CTNNA3: variants seen among roughly 807,000 people sequenced by gnomAD.
CTNNA3 encodes catenin alpha-3.
A neutral mutation model predicts 95.7 loss-of-function variants in CTNNA3; 76 were observed. The ratio of observed to expected loss-of-function variants is 0.79; its 90% CI spans 0.66 to 0.96. The LOEUF (loss-of-function observed/expected upper bound fraction) is 0.96. Ranked by LOEUF, CTNNA3 falls within the 40% of genes least tolerant of loss-of-function variation. The pLI, the probability that CTNNA3 is intolerant of heterozygous loss-of-function variation, is 0.00. For synonymous variants in CTNNA3, 431 were observed against 374.4 expected, an observed-to-expected ratio of 1.15 and a Z score of -1.74; for missense variants, 1,191 against 1,089.8, an observed-to-expected ratio of 1.09 and a Z score of -1.31.
chr10:66,657,363 TC>T (rs1201669638), intron 9 of CTNNA3, among the ~76,000 whole-genome samples: 1 of 152,172 alleles, frequency 6.6e-6, no homozygotes, highest in East Asian at 1.9e-4. Context: ...TTGCTCCTGT[TC>T]TTCAATGTGG....
At chr10:67,170,559 C>T (rs1374588791) in intron 7 of CTNNA3, among the ~76,000 whole-genome samples, 1 of 152,088 alleles carries the variant, frequency 6.6e-6, no homozygotes, top group Non-Finnish European at 1.5e-5. Flanking sequence ...TAAGTGGGAG[C>T]TAAATGACAA....
At chr10:67,046,204 C>A (rs575255507) in intron 7 of CTNNA3, among the ~76,000 whole-genome samples, 34 of 152,252 alleles carry the variant, frequency 2.2e-4, no homozygotes, top group South Asian at 2.1e-3. Context: ...AATGGGGTTT[C>A]AATTTAAAGA....
chr10:66,448,184 C>T (rs2093437095), intron 11 of CTNNA3, among the ~76,000 whole-genome samples: 1 of 151,996 alleles, frequency 6.6e-6, no homozygotes, highest in Non-Finnish European at 1.5e-5. Flanking sequence ...ACAACAGGTG[C>T]TGGAGAGGAT....
chr10:66,427,897 T>C (rs990532543), intron 11 of CTNNA3, among the ~76,000 whole-genome samples: 8 of 151,996 alleles, frequency 5.3e-5, no homozygotes, highest in Admixed American at 1.3e-4. Flanking sequence ...AATTCACACA[T>C]AACAATATTA....
intron 7 of CTNNA3, among the ~76,000 whole-genome samples, chr10:67,151,482 A>T: frequency 6.6e-6 from 1 of 152,240 alleles, no homozygotes; most frequent in East Asian, 1.9e-4. Flanking sequence ...AAAATACAAG[A>T]CATCAAGTCA....
intron 5 of CTNNA3, among the ~76,000 whole-genome samples, chr10:67,495,042 A>G (rs1333398235): frequency 6.6e-6 from 1 of 152,220 alleles, no homozygotes; most frequent in African/African-American, 2.4e-5. Context: ...ATGAAATTCA[A>G]ATTTAACTGG....
intron 10 of CTNNA3, among the ~76,000 whole-genome samples, chr10:66,557,704 T>C (rs1842433788): frequency 6.6e-6 from 1 of 152,182 alleles, no homozygotes; most frequent in Non-Finnish European, 1.5e-5. Flanking sequence ...GGAGTTCCTA[T>C]ATTTATCTCC....
chr10:67,658,113 GATT>G (rs749533058), intron 1 of CTNNA3, among the ~76,000 whole-genome samples: 1 of 152,186 alleles, frequency 6.6e-6, no homozygotes, highest in Non-Finnish European at 1.5e-5. Context: ...GGGCCTCAGT[GATT>G]ATCAGCATCA....
chr10:66,409,435 A>G (rs1000173308), intron 11 of CTNNA3, among the ~76,000 whole-genome samples: 1 of 152,174 alleles, frequency 6.6e-6, no homozygotes, highest in Non-Finnish European at 1.5e-5. Flanking sequence ...AGAAGGATAG[A>G]GATGAACTTG....
chr10:66,231,109 G>T (rs1482172080), intron 13 of CTNNA3, among the ~76,000 whole-genome samples: 1 of 152,126 alleles, frequency 6.6e-6, no homozygotes, highest in African/African-American at 2.4e-5. Flanking sequence ...GCAGTTGCAT[G>T]GACTCCAGGC....
chr10:67,597,533 G>T (rs1911358), intron 3 of CTNNA3, among the ~76,000 whole-genome samples: 3 of 152,112 alleles, frequency 2.0e-5, no homozygotes, highest in Admixed American at 6.5e-5. Flanking sequence ...GAAGGTCAAG[G>T]CTCAGCTCAT....
chr10:67,278,519 TC>T (rs1839275461), intron 5 of CTNNA3, among the ~76,000 whole-genome samples: 1 of 152,202 alleles, frequency 6.6e-6, no homozygotes, highest in African/African-American at 2.4e-5. Context: ...AGACTGGGGA[TC>T]AGTGGAAGGG....
At chr10:67,333,892 T>C (rs978720782) in intron 5 of CTNNA3, among the ~76,000 whole-genome samples, 27 of 152,190 alleles carry the variant, frequency 1.8e-4, no homozygotes, top group African/African-American at 6.3e-4. Flanking sequence ...AGAAGGATTA[T>C]GAGGCTGATT....
chr10:66,617,370 A>G (rs559820243), intron 10 of CTNNA3, among the ~76,000 whole-genome samples: 45 of 152,176 alleles, frequency 3.0e-4, no homozygotes, highest in Non-Finnish European at 6.0e-4. Context: ...ACCATGATCA[A>G]GTGGGCTTCA....
chr10:66,579,194 T>C (rs1248112557), intron 10 of CTNNA3, among the ~76,000 whole-genome samples: 1 of 151,888 alleles, frequency 6.6e-6, no homozygotes, highest in African/African-American at 2.4e-5. Context: ...ACGTTTTTCA[T>C]TTCTGATTGT....
At chr10:67,736,777 T>A (rs529765750) in intron 1 of CTNNA3, among the ~76,000 whole-genome samples, 1 of 152,170 alleles carries the variant, frequency 6.6e-6, no homozygotes, top group Admixed American at 6.6e-5. Flanking sequence ...CAAAGAAACA[T>A]TAGATTTAAC....
intron 6 of CTNNA3, among the ~76,000 whole-genome samples, chr10:67,185,974 C>A (rs925144100): frequency 6.8e-6 from 1 of 147,698 alleles, no homozygotes; most frequent in Admixed American, 6.9e-5. Flanking sequence ...TGCAGTGAGC[C>A]GAGATCACAC....
At chr10:66,248,348 T>TA (rs71474035) in intron 13 of CTNNA3, among the ~76,000 whole-genome samples, 70,173 of 144,680 alleles carry the variant, frequency 0.49, 16,836 homozygotes, top group South Asian at 0.57. Flanking sequence ...GAGAAAATCA[T>TA]AAAAAAAAAA....
chr10:66,668,727 A>T (rs7906022), intron 9 of CTNNA3, among the ~76,000 whole-genome samples: 2 of 151,640 alleles, frequency 1.3e-5, no homozygotes, highest in Non-Finnish European at 2.9e-5. Context: ...CATGAGAATC[A>T]CTTAAACCTG....
Sources: allele counts gnomAD v4.1 joint callset (sites outside exome capture counted in the v4.1 genomes callset), GRCh38; gene constraint gnomAD v4.1.1; transcripts MANE v1.5; gene names NCBI Gene and HGNC (gene_info 2026-07-23, HGNC 2026-07-21).